Variants in KIAA2012 observed in about 807,000 individuals in gnomAD.
KIAA2012 encodes the protein KIAA2012.
Under a neutral mutation model 150.6 loss-of-function variants are expected in KIAA2012, and 125 were observed. The observed-to-expected ratio is 0.83, with a 90% CI of 0.72 to 0.96. KIAA2012 has a LOEUF of 0.96. Among genes scored for constraint, KIAA2012 ranks in the 40% least tolerant of loss-of-function variants. The pLI is 0.00. For missense variants in KIAA2012, 1,219 were observed against 1,354.9 expected, an observed-to-expected ratio of 0.90 and a Z score of 1.57; for synonymous variants, 462 against 504.7, an observed-to-expected ratio of 0.92 and a Z score of 1.13.
intron 9 of KIAA2012, 136 bp from the exon 10 acceptor site, chr2:202,109,477 T>C: frequency 1.4e-6 from 1 of 704,720 alleles, no homozygotes. Context: ...TTCTCCCTTC[T>C]AGCCACAATA....
intron 5 of KIAA2012, among the ~76,000 whole-genome samples, 188 bp from the exon 6 acceptor site, chr2:202,099,425 A>G (rs933400383): frequency 2.0e-5 from 3 of 152,146 alleles, no homozygotes; most frequent in Non-Finnish European, 2.9e-5. Flanking sequence ...TCCATCATCA[A>G]CAATAAAATG....
At chr2:202,200,681 A>G (rs1692500704) in intron 22 of KIAA2012, among the ~76,000 whole-genome samples, 1 of 151,094 alleles carries the variant, frequency 6.6e-6, no homozygotes, top group Non-Finnish European at 1.5e-5. Context: ...AAAGGAGATT[A>G]AAGACCAATC....
chr2:202,090,965 C>A, intron 3 of KIAA2012, 36 bp downstream of exon 3: 3 of 1,516,534 alleles, frequency 2.0e-6, no homozygotes, highest in Middle Eastern at 3.5e-4. Context: ...ACACCCCAAA[C>A]TGCCCCACCT....
intron 3 of KIAA2012, among the ~76,000 whole-genome samples, chr2:202,091,923 G>A (rs1689735167): frequency 6.6e-6 from 1 of 152,164 alleles, no homozygotes; most frequent in Non-Finnish European, 1.5e-5. Context: ...GAAAGTTGTG[G>A]GCTCCTCCAG....
rs770967654 is a variant in KIAA2012, at chr2:202,184,827, G to T, written c.2194G>T (p.Asp732Tyr). Reference sequence around the variant, plus strand: ...TGAGCACATCCAGACCCCAGAAGCAGATATTGTGCAAAAAGTGTAAGTGTT... The same window carrying T: ...TGAGCACATCCAGACCCCAGAAGCATATATTGTGCAAAAAGTGTAAGTGTT... ...RTEHIQTPEA[D>Y]IVQKVGRDYD... Residue 732 changes from aspartate to tyrosine, a missense_variant, in exon 16 of 24, where the codon GAT becomes TAT. Physicochemically the swap from Asp to Tyr is radical, Grantham distance 160. Coordinates refer to ENST00000498697, the MANE Select transcript of KIAA2012 (RefSeq NM_001277372.4). 5.8e-6 allele frequency: 9 copies of T among 1,548,720 alleles called. No homozygotes were observed. In the African/African-American group the frequency reaches 1.1e-4, roughly 19 times the overall value.
At chr2:202,101,128 G>A (rs1345065781) in intron 7 of KIAA2012, among the ~76,000 whole-genome samples, 2 of 152,200 alleles carry the variant, frequency 1.3e-5, no homozygotes, top group African/African-American at 2.4e-5. Flanking sequence ...AGATAATAAT[G>A]TCAACCTTAC....
intron 12 of KIAA2012, among the ~76,000 whole-genome samples, chr2:202,125,539 C>A (rs915623340): frequency 1.3e-5 from 2 of 152,086 alleles, no homozygotes; most frequent in African/African-American, 4.8e-5. Context: ...GCTTAGCTGG[C>A]CTGGGGAAGG....
At chr2:202,146,645 A>G (rs1691308535) in intron 13 of KIAA2012, among the ~76,000 whole-genome samples, 1 of 151,220 alleles carries the variant, frequency 6.6e-6, no homozygotes, top group Non-Finnish European at 1.5e-5. Flanking sequence ...AAAAAAAAAA[A>G]AAAAAAAGCC....
intron 22 of KIAA2012, among the ~76,000 whole-genome samples, chr2:202,202,205 A>G (rs1046192377): frequency 6.6e-6 from 1 of 151,842 alleles, no homozygotes; most frequent in Non-Finnish European, 1.5e-5. Flanking sequence ...AAGAACTGTG[A>G]ATTATGCCTC....
At chr2:202,099,916 G>A in intron 6 of KIAA2012, 120 bp downstream of exon 6, 1 of 925,688 alleles carries the variant, frequency 1.1e-6, no homozygotes, top group Non-Finnish European at 1.6e-6. Flanking sequence ...CAAAATAAAA[G>A]CCAGAATCTA....
intron 22 of KIAA2012, among the ~76,000 whole-genome samples, chr2:202,198,883 T>C (rs1459027992): frequency 6.6e-6 from 1 of 152,238 alleles, no homozygotes; most frequent in Non-Finnish European, 1.5e-5. Flanking sequence ...GTTTGTCTAC[T>C]AACCTTGAGT....
intron 2 of KIAA2012, among the ~76,000 whole-genome samples, chr2:202,078,818 T>C (rs1689381459): frequency 6.6e-6 from 1 of 152,200 alleles, no homozygotes; most frequent in African/African-American, 2.4e-5. Context: ...CTCAAAGTTA[T>C]ACAGCCAAGT....
chr2:202,194,294 A>C lies in KIAA2012; in HGVS notation c.3119A>C (p.Gln1040Pro). The change falls in exon 21 of 24, where the codon CAA becomes CCA. Residue 1040 changes from glutamine (Q) to proline (P), a missense_variant. Physicochemically the swap from Gln to Pro is moderately conservative, Grantham distance 76 (BLOSUM62 -1). Transcript: ENST00000498697. ...GCCCAGGAGAGAGCCCGGCAACAGC[A>C]AGAGGAGTTTCGGAGGAAACTGCGA... ...KAAQERARQQ[Q>P]EEFRRKLREL... 4 of 1,550,634 alleles carry C rather than the reference A, an allele frequency of 2.6e-6. No individual in the cohort carries two copies. The highest frequency in any genetic ancestry group is 2.6e-6 in the Non-Finnish European group (3 of 1,147,002).
intron 15 of KIAA2012, among the ~76,000 whole-genome samples, chr2:202,165,831 T>C (rs892824451): frequency 1.3e-5 from 2 of 152,252 alleles, no homozygotes; most frequent in African/African-American, 4.8e-5. Flanking sequence ...CAATCAAAAG[T>C]AATTAATTTT....
chr2:202,199,920 ATTTT>A (rs71025287), intron 22 of KIAA2012, among the ~76,000 whole-genome samples: 1,025 of 76,086 alleles, frequency 0.013, 1 homozygote, highest in African/African-American at 0.018. Flanking sequence ...GCCCCTCATA[ATTTT>A]TTTTTTTTTT....
rs188991435 is a variant in KIAA2012, at chr2:202,195,043, C to T, written c.3187+681C>T. ...TTGGCCTCCCAAAGTGCTGGGATTA[C>T]AGGTGTGAGCCACCGTGCTCAGCCC... On this transcript the variant is annotated intron_variant, in intron 21 of 23. Coordinates refer to ENST00000498697, the MANE Select transcript of KIAA2012 (RefSeq NM_001277372.4). Among the ~76,000 whole-genome samples, 55 of 151,706 alleles carry T rather than the reference C, an allele frequency of 3.6e-4. 1 individual carries two copies. The East Asian group carries it at 0.011, about 29-fold the overall frequency.
At chr2:202,187,488 G>A (rs1278949651) in intron 17 of KIAA2012, among the ~76,000 whole-genome samples, 16 of 152,070 alleles carry the variant, frequency 1.1e-4, no homozygotes, top group Admixed American at 1.0e-3. Context: ...TATTTTTTCA[G>A]TACAGCCAGG....
chr2:202,114,082 C>T (rs1346233384), intron 11 of KIAA2012: 3 of 152,308 alleles, frequency 2.0e-5, no homozygotes, highest in African/African-American at 2.4e-5. Context: ...TTAAAAGCTG[C>T]ACTCATCTGG....
At chr2:202,202,688 G>A (rs1159408490) in intron 23 of KIAA2012, 101 bp downstream of exon 23, 2 of 393,200 alleles carry the variant, frequency 5.1e-6, no homozygotes, top group African/African-American at 2.1e-5. Context: ...AACACTTTGA[G>A]AGGCTGAGGC....
Sources: allele counts gnomAD v4.1 joint callset (sites outside exome capture counted in the v4.1 genomes callset), GRCh38; gene constraint gnomAD v4.1.1; transcripts MANE v1.5; gene names NCBI Gene and HGNC (gene_info 2026-07-23, HGNC 2026-07-21).